The following NRCAM variants were observed in gnomAD, a reference collection of about 807,000 sequenced individuals.
NRCAM encodes NgCAM-related cell adhesion molecule.
NRCAM carries 83 observed loss-of-function variants against 156.5 expected under a neutral mutation model. The observed-to-expected ratio is 0.53, with a 90% confidence interval of 0.44 to 0.64. The LOEUF (loss-of-function observed/expected upper bound fraction) is 0.64. Ranked by LOEUF, NRCAM falls within the 30% of genes least tolerant of loss-of-function variation. The pLI, the probability that NRCAM is intolerant of heterozygous loss-of-function variation, is 0.00. For synonymous variants in NRCAM, 538 were observed against 563.9 expected (o/e 0.95, Z 0.65); for missense variants, 1,417 against 1,597.3 (o/e 0.89, Z 1.92).
At chr7:108,280,575 A>T (rs915359891) in intron 3 of NRCAM, among the ~76,000 whole-genome samples, 2 of 152,228 alleles carry the variant, frequency 1.3e-5, no homozygotes, top group African/African-American at 4.8e-5. Flanking sequence ...TTTTTCATTG[A>T]ACTGTCTCAA....
chr7:108,167,118 A>C (rs780947123), intron 29 of NRCAM, 45 bp from the exon 30 acceptor site: 4 of 1,494,832 alleles, frequency 2.7e-6, no homozygotes, highest in Non-Finnish European at 3.7e-6. Context: ...ATTTTAAGGG[A>C]CCAGAAGTCA....
At chr7:108,434,605 A>G (rs1829881347) in intron 1 of NRCAM, among the ~76,000 whole-genome samples, 2 of 151,864 alleles carry the variant, frequency 1.3e-5, no homozygotes, top group Admixed American at 1.3e-4. Flanking sequence ...AGCTGAATGT[A>G]AGAGCTGGGA....
intron 11 of NRCAM, among the ~76,000 whole-genome samples, chr7:108,210,893 A>G (rs1298720323): frequency 1.3e-5 from 2 of 152,210 alleles, no homozygotes; most frequent in Non-Finnish European, 2.9e-5. Flanking sequence ...GTGACTCTGA[A>G]TAAGAACAGC....
At chr7:108,214,566 T>C (rs1046381712) in intron 11 of NRCAM, among the ~76,000 whole-genome samples, 9 of 152,220 alleles carry the variant, frequency 5.9e-5, no homozygotes, top group African/African-American at 1.7e-4. Context: ...CCTGGATTTA[T>C]TGATTTTTTG....
chr7:108,425,157 A>T (rs1815492377), intron 1 of NRCAM, among the ~76,000 whole-genome samples: 1 of 152,186 alleles, frequency 6.6e-6, no homozygotes, highest in African/African-American at 2.4e-5. Flanking sequence ...CAGATTTTTT[A>T]AAAGATTATG....
intron 30 of NRCAM, among the ~76,000 whole-genome samples, chr7:108,163,030 C>T (rs2050262722): frequency 1.3e-5 from 2 of 152,052 alleles, no homozygotes; most frequent in South Asian, 4.2e-4. Flanking sequence ...CGCATACACA[C>T]ACATATACCC....
chr7:108,192,328 G>C (rs2072411506), intron 17 of NRCAM, among the ~76,000 whole-genome samples: 1 of 152,074 alleles, frequency 6.6e-6, no homozygotes, highest in South Asian at 2.1e-4. Flanking sequence ...GATCTAGACT[G>C]TGCTCTCCTA....
intron 11 of NRCAM, among the ~76,000 whole-genome samples, chr7:108,221,312 T>C (rs971159290): frequency 6.6e-6 from 1 of 152,114 alleles, no homozygotes; most frequent in Non-Finnish European, 1.5e-5. Context: ...GTACCAAAAG[T>C]AGAACTGCCA....
chr7:108,230,112 C>G (rs1046789045), intron 8 of NRCAM, among the ~76,000 whole-genome samples: 1 of 152,048 alleles, frequency 6.6e-6, no homozygotes, highest in South Asian at 2.1e-4. Context: ...ATAACATATC[C>G]CCAACAGCTT....
At chr7:108,234,464 A>G (rs1216692455) in intron 6 of NRCAM, 119 bp downstream of exon 6, 1 of 662,406 alleles carries the variant, frequency 1.5e-6, no homozygotes, top group African/African-American at 1.8e-5. Flanking sequence ...ATCCAACTGA[A>G]AAAGGAAGTG....
At chr7:108,346,203 T>C (rs2099353114) in intron 2 of NRCAM, among the ~76,000 whole-genome samples, 1 of 152,194 alleles carries the variant, frequency 6.6e-6, no homozygotes, top group Non-Finnish European at 1.5e-5. Flanking sequence ...GGAGGAATTT[T>C]GAGATATCAC....
At chr7:108,318,237 G>C (rs2098955506) in intron 2 of NRCAM, among the ~76,000 whole-genome samples, 1 of 151,464 alleles carries the variant, frequency 6.6e-6, no homozygotes, top group African/African-American at 2.4e-5. Flanking sequence ...AGTAGAGATG[G>C]GGTTTCACTG....
At position 108,168,369 on chromosome 7, in the gene NRCAM, G is replaced by GT; in HGVS notation, c.3220dup (p.Thr1074AsnfsTer6). 1 of 1,606,482 alleles carries GT rather than the reference G, an allele frequency of 6.2e-7. No homozygotes were observed. The highest frequency in any genetic ancestry group is 8.5e-7 in the Non-Finnish European group (1 of 1,177,006). ...GGCATAGGTCTCAGCAGCTGCAGCA[G>GT]TAAGATTGCTGATCCTGGGATTTAC... On this transcript the variant is annotated frameshift_variant, in exon 29 of 33. Coordinates refer to ENST00000379028, the MANE Select transcript of NRCAM (RefSeq NM_001037132.4). LOFTEE classifies it high-confidence loss of function.
chr7:108,454,681 C>G (rs1305286720), intron 1 of NRCAM, among the ~76,000 whole-genome samples: 2 of 152,154 alleles, frequency 1.3e-5, no homozygotes, highest in African/African-American at 4.8e-5. Context: ...GCCCAGCCTC[C>G]GAGGTTTGTA....
intron 1 of NRCAM, among the ~76,000 whole-genome samples, chr7:108,436,051 G>A (rs1465774139): frequency 1.3e-5 from 2 of 152,190 alleles, no homozygotes; most frequent in East Asian, 1.9e-4. Flanking sequence ...GGAGAATGGC[G>A]TGAGCCCGGG....
intron 30 of NRCAM, among the ~76,000 whole-genome samples, chr7:108,166,070 ATAAG>A (rs66475026): frequency 0.18 from 27,103 of 152,010 alleles, 4,232 homozygotes; most frequent in African/African-American, 0.42. Flanking sequence ...TAATATTCAC[ATAAG>A]TAAATATATA....
chr7:108,255,230 T>A (rs950230389), intron 3 of NRCAM, among the ~76,000 whole-genome samples: 1 of 136,810 alleles, frequency 7.3e-6, no homozygotes, highest in African/African-American at 2.8e-5. Flanking sequence ...GAGGCTGGAC[T>A]GTACTGCCGC....
chr7:108,262,623 T>C (rs1032329246), intron 3 of NRCAM, among the ~76,000 whole-genome samples: 7 of 152,220 alleles, frequency 4.6e-5, no homozygotes, highest in Non-Finnish European at 1.0e-4. Flanking sequence ...CATGTACTCC[T>C]TGAAGATCTA....
intron 3 of NRCAM, among the ~76,000 whole-genome samples, chr7:108,292,228 G>A (rs74473808): frequency 0.02 from 3,036 of 152,242 alleles, 85 homozygotes; most frequent in African/African-American, 0.069. Context: ...TCTAGACCTT[G>A]CATGGCTACT....
Sources: gnomAD v4.1 joint callset for allele counts (sites outside exome capture counted in the v4.1 genomes callset) on GRCh38, gnomAD v4.1.1 for gene constraint, MANE v1.5 for transcripts, NCBI Gene and HGNC (gene_info 2026-07-23, HGNC 2026-07-21) for gene names.